Variants in CHLSN observed in about 807,000 individuals in gnomAD.
CHLSN encodes the protein protein cholesin.
the CHLSN span, among the ~76,000 whole-genome samples, chr7:1,135,449 A>G: frequency 1.3e-5 from 2 of 152,066 alleles, no homozygotes; most frequent in African/African-American, 4.8e-5. Context: ...GTTTATACAC[A>G]TATATCTACA....
At chr7:1,048,405 G>A in the CHLSN span, among the ~76,000 whole-genome samples, 1 of 152,106 alleles carries the variant, frequency 6.6e-6, no homozygotes, top group Admixed American at 6.5e-5. Flanking sequence ...TGCCAGCTCT[G>A]TGCAGTGCAG....
the CHLSN span, among the ~76,000 whole-genome samples, chr7:1,128,123 G>A: frequency 0.27 from 1,085 of 3,972 alleles, 226 homozygotes; most frequent in Middle Eastern, 1. Flanking sequence ...GCGCGATCTC[G>A]GCTCATCCCA....
At chr7:1,021,219 A>C in the CHLSN span, 37 of 222,144 alleles carry the variant, frequency 1.7e-4, no homozygotes, top group Non-Finnish European at 2.6e-4. Flanking sequence ...GGGACCTCCC[A>C]GCACGGACCC....
chr7:986,435 G>A, the CHLSN span: 17 of 652,390 alleles, frequency 2.6e-5, no homozygotes, highest in Non-Finnish European at 4.5e-5. Context: ...CCGGGACACG[G>A]ACAGGGGGTT....
chr7:983,495 G>A, the CHLSN span: 10 of 1,113,622 alleles, frequency 9.0e-6, no homozygotes, highest in African/African-American at 1.6e-5. Flanking sequence ...ACATGGTGCC[G>A]GGCCCAGCGG....
chr7:1,007,901 G>T, the CHLSN span, among the ~76,000 whole-genome samples: 1 of 152,118 alleles, frequency 6.6e-6, no homozygotes, highest in African/African-American at 2.4e-5. Flanking sequence ...GGGAGTCAGG[G>T]CGCCTCCAGG....
At chr7:1,113,650 G>A in the CHLSN span, among the ~76,000 whole-genome samples, 1,253 of 152,222 alleles carry the variant, frequency 8.2e-3, 14 homozygotes, top group African/African-American at 0.029. Flanking sequence ...CGGCCCTTAC[G>A]ACACCCACCT....
the CHLSN span, among the ~76,000 whole-genome samples, chr7:1,132,593 C>G: frequency 6.7e-6 from 1 of 150,044 alleles, no homozygotes; most frequent in African/African-American, 2.5e-5. Context: ...ACTTGGGAGG[C>G]TGAAGTGGGA....
the CHLSN span, among the ~76,000 whole-genome samples, chr7:1,120,627 A>G: frequency 1.3e-5 from 2 of 152,302 alleles, no homozygotes; most frequent in Admixed American, 6.5e-5. Flanking sequence ...CGCACTTACT[A>G]TAGGATCCAG....
the CHLSN span, among the ~76,000 whole-genome samples, chr7:1,068,814 C>T: frequency 4.9e-4 from 74 of 152,268 alleles, no homozygotes; most frequent in African/African-American, 1.6e-3. Context: ...AGGATTGCAA[C>T]GCATTGTGGG....
chr7:1,097,044 G>A, the CHLSN span, among the ~76,000 whole-genome samples: 1 of 152,226 alleles, frequency 6.6e-6, no homozygotes. The surrounding 1 kb of genome is among the most constrained non-coding windows in gnomAD (Gnocchi z 4.3). Context: ...GGGAGACAGG[G>A]CAGGCGAGGG....
chr7:1,067,246 G>C, the CHLSN span, among the ~76,000 whole-genome samples: 1 of 138,924 alleles, frequency 7.2e-6, no homozygotes, highest in Non-Finnish European at 1.6e-5. Context: ...TTGGGGCACA[G>C]TCTGTTGGTG....
At chr7:1,020,889 G>C in the CHLSN span, among the ~76,000 whole-genome samples, 36 of 152,240 alleles carry the variant, frequency 2.4e-4, no homozygotes, top group African/African-American at 8.7e-4. Context: ...GTAACGTCCT[G>C]ATACAGCAGA....
chr7:981,128 T>C, the CHLSN span, among the ~76,000 whole-genome samples: 1 of 151,648 alleles, frequency 6.6e-6, no homozygotes, highest in African/African-American at 2.4e-5. Flanking sequence ...AAACCCCATC[T>C]CTACTAAAAA....
At chr7:1,015,245 G>A in the CHLSN span, among the ~76,000 whole-genome samples, 9 of 152,262 alleles carry the variant, frequency 5.9e-5, no homozygotes, top group East Asian at 3.9e-4. Flanking sequence ...GGGAAGAGGC[G>A]TGGCCTCCCT....
At chr7:1,055,655 G>A in the CHLSN span, among the ~76,000 whole-genome samples, 99 of 152,272 alleles carry the variant, frequency 6.5e-4, 1 homozygote, top group East Asian at 0.014. Context: ...AAGGGGTGCC[G>A]AGACAGAGCA....
chr7:993,849 T>C, the CHLSN span, among the ~76,000 whole-genome samples: 1 of 152,022 alleles, frequency 6.6e-6, no homozygotes, highest in South Asian at 2.1e-4. Context: ...GCCGAACCTG[T>C]GTCACTCTTG....
At chr7:1,008,526 G>A in the CHLSN span, among the ~76,000 whole-genome samples, 6 of 152,180 alleles carry the variant, frequency 3.9e-5, no homozygotes, top group African/African-American at 1.4e-4. Context: ...GACCAGTGCA[G>A]AGACCCATGA....
the CHLSN span, among the ~76,000 whole-genome samples, chr7:1,042,598 C>T: frequency 2.0e-5 from 3 of 152,248 alleles, no homozygotes; most frequent in Non-Finnish European, 2.9e-5. Context: ...CCTGGCAGGA[C>T]TGGCCTGCTT....
Sources: gnomAD v4.1 joint callset for allele counts (sites outside exome capture counted in the v4.1 genomes callset) on GRCh38, gnomAD v4.1.1 for gene constraint, Gnocchi (gnomAD v3.1) non-coding constraint, MANE v1.5 for transcripts, NCBI Gene and HGNC (gene_info 2026-07-23, HGNC 2026-07-21) for gene names.